ANGPTL1: variants seen among roughly 807,000 people sequenced by gnomAD.
ANGPTL1 encodes angiopoietin like 1.
In ANGPTL1, 36 loss-of-function variants were observed where a neutral mutation model predicts 46.7. The observed-to-expected ratio is 0.77, with a 90% CI of 0.59 to 1.02. ANGPTL1 has a LOEUF of 1.02. ANGPTL1 is among the 50% of genes least tolerant of loss of function. The pLI, the probability that ANGPTL1 is intolerant of heterozygous loss-of-function variation, is 0.00. For synonymous variants in ANGPTL1, 221 were observed against 204.3 expected, an observed-to-expected ratio of 1.08 and a Z score of -0.69; for missense variants, 571 against 594.7, an observed-to-expected ratio of 0.96 and a Z score of 0.41.
intron 3 of ANGPTL1, among the ~76,000 whole-genome samples, chr1:178,860,057 T>G (rs537591081): frequency 1.3e-5 from 2 of 152,200 alleles, no homozygotes; most frequent in Admixed American, 6.5e-5. Context: ...CCCAGAAAGC[T>G]TTGCCAGAAT....
At chr1:178,859,098 A>T (rs1049619224) in intron 3 of ANGPTL1, among the ~76,000 whole-genome samples, 1 of 152,038 alleles carries the variant, frequency 6.6e-6, no homozygotes, top group South Asian at 2.1e-4. Context: ...TGAATTACTT[A>T]GTTTATTAAT....
chr1:178,858,378 C>T (rs996776752), intron 3 of ANGPTL1, among the ~76,000 whole-genome samples: 2 of 152,140 alleles, frequency 1.3e-5, no homozygotes, highest in Middle Eastern at 3.4e-3. Context: ...AAATTAATGA[C>T]AAATAGAAAA....
chr1:178,853,548 A>G, intron 4 of ANGPTL1, 46 bp downstream of exon 4: 1 of 1,399,800 alleles, frequency 7.1e-7, no homozygotes. Flanking sequence ...CATTATTGCA[A>G]GAATGGATTT....
At chr1:178,855,815 T>G (rs1657495716) in intron 3 of ANGPTL1, among the ~76,000 whole-genome samples, 1 of 151,636 alleles carries the variant, frequency 6.6e-6, no homozygotes, top group Admixed American at 6.6e-5. Context: ...AAATCTTTTC[T>G]TTTTTAATTT....
At position 178,862,590 on chromosome 1, in the gene ANGPTL1, TTTTTTTA is replaced by T. The variant is rs1438802341; in HGVS notation, c.823+2357_823+2363del. ...CAAGGGCCTCAAGGAGGAGTTGCATTTTTTTTATTTATTTATTTATTTATTTATTTAT... is the reference window on the plus strand; with the variant it reads ...CAAGGGCCTCAAGGAGGAGTTGCATTTTTATTTATTTATTTATTTATTTAT... On this transcript the variant is annotated intron_variant, in intron 3 of 5. Transcript: ENST00000234816. Among the ~76,000 whole-genome samples, 193 of 117,936 alleles carry T rather than the reference TTTTTTTA, an allele frequency of 1.6e-3. 2 individuals carry two copies. Among genetic ancestry groups the T allele is most frequent in the African/African-American group, 7.0e-3 (175 of 24,848 alleles). The allele number at this position is 117,936 out of a possible 152,430, so 77.4% of individuals were successfully genotyped here.
chr1:178,855,738 C>CT (rs1657491220), intron 3 of ANGPTL1, among the ~76,000 whole-genome samples: 1 of 151,626 alleles, frequency 6.6e-6, no homozygotes, highest in Non-Finnish European at 1.5e-5. Flanking sequence ...AATTATTGTC[C>CT]TTTCAGTTCC....
chr1:178,868,648 C>T (rs1162790106), intron 2 of ANGPTL1, among the ~76,000 whole-genome samples: 2 of 151,872 alleles, frequency 1.3e-5, no homozygotes, highest in Non-Finnish European at 2.9e-5. Context: ...ACAAAAAACA[C>T]CAAAATGCTA....
At chr1:178,867,649 C>T (rs751055023) in intron 2 of ANGPTL1, among the ~76,000 whole-genome samples, 5 of 151,848 alleles carry the variant, frequency 3.3e-5, no homozygotes, top group African/African-American at 7.3e-5. Flanking sequence ...TTTCATTGAC[C>T]GGTTACTTAA....
chr1:178,856,095 C>T lies in ANGPTL1; in HGVS notation c.824-2308G>A, dbSNP rs535937128. Among the ~76,000 whole-genome samples, 60 of 147,726 alleles carry T rather than the reference C, an allele frequency of 4.1e-4. 1 individual carries two copies. The South Asian group carries it at 7.4e-3, about 18-fold the overall frequency. On this transcript the variant is annotated intron_variant, in intron 3 of 5. Transcript: ENST00000234816. The stretch of plus-strand genomic sequence containing the variant: ...AGTTTAGTCAAGTAAAAGTTCTGTA[C>T]GATAAGGATAATAGTTTTATCCTTA...
chr1:178,851,247 A>G lies in ANGPTL1; in HGVS notation c.1358T>C (p.Val453Ala). The part of the protein sequence containing the change: ...NACAHSNLNG[V>A]WYRGGHYRSK... Reference sequence around the variant, plus strand: ...TCTGTAATGGCCTCCTCTGTACCATACTCCATTTAGGTTAGAATGTGCACA... The same window carrying G: ...TCTGTAATGGCCTCCTCTGTACCATGCTCCATTTAGGTTAGAATGTGCACA... Residue 453 changes from valine to alanine, a missense_variant, in exon 6 of 6, where the codon GTA (valine) becomes GCA (alanine). By Grantham distance (64) the Val-to-Ala change is moderately conservative (BLOSUM62 0). Coordinates refer to ENST00000234816, the MANE Select transcript of ANGPTL1 (RefSeq NM_004673.4). 6.2e-7 allele frequency: 1 copy of G among 1,613,806 alleles called. No individual in the cohort carries two copies. The highest frequency in any genetic ancestry group is 8.5e-7 in the Non-Finnish European group (1 of 1,179,852).
Position 178,856,394 on chromosome 1 carries a change from A to ATTTTTTTTTTTTTTT in ANGPTL1, c.824-2622_824-2608dup, listed in dbSNP as rs71108081. On this transcript the variant is annotated intron_variant, in intron 3 of 5. Coordinates refer to ENST00000234816, the MANE Select transcript of ANGPTL1 (RefSeq NM_004673.4). ...AGGCAAGTGCCACCCTGCCTGGCTA[A>ATTTTTTTTTTTTTTT]TTTTTTTTTTTTTTTTTTTTTTTTT... Among the ~76,000 whole-genome samples, 95 of 36,434 alleles carry ATTTTTTTTTTTTTTT rather than the reference A, an allele frequency of 2.6e-3. 20 individuals carry two copies. Among genetic ancestry groups the ATTTTTTTTTTTTTTT allele is most frequent in the African/African-American group, 3.5e-3 (24 of 6,868 alleles). The allele number at this position is 36,434 out of a possible 152,430, so 23.9% of individuals were successfully genotyped here.
intron 3 of ANGPTL1, among the ~76,000 whole-genome samples, chr1:178,864,191 G>C (rs1266099881): frequency 6.6e-6 from 1 of 152,072 alleles, no homozygotes; most frequent in South Asian, 2.1e-4. Flanking sequence ...TGGACACCTA[G>C]ATCAGTGACT....
Position 178,865,156 on chromosome 1 carries a change from T to C in ANGPTL1, c.621A>G (p.Gln207=), listed in dbSNP as rs1052762763. 11 of 1,604,976 alleles carry C rather than the reference T, an allele frequency of 6.9e-6. No homozygotes were observed. The highest frequency in any genetic ancestry group is 3.3e-5 in the Admixed American group (2 of 59,770). ...EEQCLRIFSR[Q]DTHVSPPLVQ... is the part of the protein sequence containing the mutation. ...CAAGTGGGGGAGACACATGGGTGTC[T>C]TGTCGGGAAAATATCCTCAAGCACT... is the stretch of plus-strand genomic sequence containing the variant. Residue 207 remains glutamine, a synonymous_variant, in exon 3 of 6, where the codon CAA becomes CAG. Transcript: ENST00000234816.
At chr1:178,862,360 T>C (rs914529978) in intron 3 of ANGPTL1, among the ~76,000 whole-genome samples, 3 of 152,072 alleles carry the variant, frequency 2.0e-5, no homozygotes, top group Non-Finnish European at 4.4e-5. Flanking sequence ...CTAACACATA[T>C]TTAGCAACTG....
rs537530006 is a variant in ANGPTL1, at chr1:178,859,454, A to G, written c.823+5500T>C. ...GAGTCTCGCTCTGTCGCCAGGCTGG[A>G]GTGCAGTGTCACGATCTCGGCTCAC... is the stretch of plus-strand genomic sequence containing the variant. On this transcript the variant is annotated intron_variant, in intron 3 of 5. Transcript: ENST00000234816. Among the ~76,000 whole-genome samples the G allele has an allele frequency of 4.7e-5, 6 of 128,792 alleles. No individual in the cohort carries two copies. The East Asian group carries it at 1.4e-3, about 29-fold the overall frequency. The allele number at this position is 128,792 out of a possible 152,430, so 84.5% of individuals were successfully genotyped here.
In ANGPTL1 at chr1:178,869,101, A is replaced by G. The variant is rs868154468; in HGVS notation, c.-27+13T>C. 7.9e-5 allele frequency: 12 copies of G among 152,216 alleles called. No homozygotes were observed. In the South Asian group the frequency reaches 2.1e-3, roughly 26 times the overall value. 9.4% of individuals were successfully genotyped at this position (152,216 alleles called of 1,614,324 possible). ...CCCAAGAGAATGTTATAAATTAGTT[A>G]TAGAATACTTACGTTTAAATTTAAG... On this transcript the variant is annotated intron_variant, in intron 2 of 5. Coordinates refer to ENST00000234816, the MANE Select transcript of ANGPTL1 (RefSeq NM_004673.4).
intron 3 of ANGPTL1, among the ~76,000 whole-genome samples, chr1:178,859,523 C>T (rs1657819753): frequency 6.7e-6 from 1 of 149,224 alleles, no homozygotes; most frequent in Non-Finnish European, 1.5e-5. Flanking sequence ...CCTGCCTCAG[C>T]CTCCCAAGTA....
Position 178,865,186 on chromosome 1 carries a change from T to G in ANGPTL1, c.591A>C (p.Glu197Asp), listed in dbSNP as rs557641876. ...NNQSVMITLL[E>D]EQCLRIFSRQ... ...GGGAAAATATCCTCAAGCACTGTTC[T>G]TCCAACAAAGTGATCATCACAGATT... The change falls in exon 3 of 6, where the codon GAA becomes GAC. Residue 197 changes from glutamate (E) to aspartate (D), a missense_variant. By Grantham distance (45) the Glu-to-Asp change is conservative. Transcript: ENST00000234816. The G allele has an allele frequency of 2.2e-5, 35 of 1,613,236 alleles. No individual in the cohort carries two copies. The South Asian group carries it at 3.2e-4, about 15-fold the overall frequency.
Position 178,851,024 on chromosome 1 carries a change from C to G in ANGPTL1, c.*105G>C, listed in dbSNP as rs1544124. Reference sequence around the variant, plus strand: ...CGGTAAAATTCATTTTAAAAACTTTCTGTGTAGAAATAAATTGTGCCAAGT... The same window carrying G: ...CGGTAAAATTCATTTTAAAAACTTTGTGTGTAGAAATAAATTGTGCCAAGT... On this transcript the variant is annotated 3_prime_UTR_variant, in exon 6 of 6. Coordinates refer to ENST00000234816, the MANE Select transcript of ANGPTL1 (RefSeq NM_004673.4). 3.9e-5 allele frequency: 42 copies of G among 1,081,710 alleles called. 2 individuals carry two copies. The highest frequency in any genetic ancestry group is 1.8e-4 in the South Asian group (7 of 38,432). The allele number at this position is 1,081,710 out of a possible 1,614,324, so 67.0% of individuals were successfully genotyped here.
Sources: gnomAD v4.1 joint callset for allele counts (sites outside exome capture counted in the v4.1 genomes callset) on GRCh38, gnomAD v4.1.1 for gene constraint, MANE v1.5 for transcripts, NCBI Gene and HGNC (gene_info 2026-07-23, HGNC 2026-07-21) for gene names.